Variants in CPE observed in about 807,000 individuals in gnomAD.
CPE encodes the protein carbocypeptidase E.
In CPE, 17 loss-of-function variants were observed where a neutral mutation model predicts 53.5. That is an observed-to-expected ratio of 0.32 (90% CI 0.22 to 0.48). CPE has a LOEUF of 0.48. Among genes scored for constraint, CPE ranks in the 20% least tolerant of loss-of-function variants. The probability of loss-of-function intolerance (pLI) is 0.99; values close to 1 mark genes in which losing one functional copy is unlikely to be tolerated. For missense variants in CPE, 524 were observed against 614.7 expected, an observed-to-expected ratio of 0.85 and a Z score of 1.56; for synonymous variants, 226 against 228.8, an observed-to-expected ratio of 0.99 and a Z score of 0.11.
chr4:165,492,479 C>T (rs889450677), intron 6 of CPE, among the ~76,000 whole-genome samples: 2 of 152,138 alleles, frequency 1.3e-5, no homozygotes, highest in African/African-American at 4.8e-5. Flanking sequence ...CCCTCAGACA[C>T]CGAGTTAAAG....
chr4:165,427,881 G>GA (rs1174874652), intron 1 of CPE, among the ~76,000 whole-genome samples: 1 of 151,846 alleles, frequency 6.6e-6, no homozygotes, highest in African/African-American at 2.4e-5. Flanking sequence ...ATTTCTTCTT[G>GA]AAAAAAATGT....
intron 5 of CPE, 125 bp downstream of exon 5, chr4:165,484,729 A>G (rs1404107773): frequency 8.9e-6 from 8 of 898,782 alleles, no homozygotes; most frequent in Non-Finnish European, 1.3e-5. Context: ...AGTAGACTGA[A>G]TCTATAGTTC....
At chr4:165,406,827 G>C (rs2126665256) in intron 1 of CPE, among the ~76,000 whole-genome samples, 1 of 152,286 alleles carries the variant, frequency 6.6e-6, no homozygotes, top group East Asian at 1.9e-4. Flanking sequence ...CTGTAGATTT[G>C]CTTATTCTAG....
At chr4:165,477,102 G>A (rs1411829272) in intron 3 of CPE, among the ~76,000 whole-genome samples, 1 of 152,192 alleles carries the variant, frequency 6.6e-6, no homozygotes, top group African/African-American at 2.4e-5. Context: ...GAAGAATGGT[G>A]AAATCAACTC....
At chr4:165,448,956 A>C (rs1731762452) in intron 1 of CPE, among the ~76,000 whole-genome samples, 1 of 152,174 alleles carries the variant, frequency 6.6e-6, no homozygotes, top group Admixed American at 6.5e-5. Context: ...GAAGATATTT[A>C]AACTCCTGAT....
intron 1 of CPE, chr4:165,404,352 A>G: frequency 1.3e-6 from 1 of 771,018 alleles, no homozygotes; most frequent in Non-Finnish European, 2.4e-6. Flanking sequence ...TCTTCATCTG[A>G]GGAGACTTCA....
intron 1 of CPE, among the ~76,000 whole-genome samples, chr4:165,403,900 G>A (rs769009516): frequency 6.6e-6 from 1 of 152,048 alleles, no homozygotes; most frequent in African/African-American, 2.4e-5. Flanking sequence ...TCACCAGGAG[G>A]GGGAGATGAT....
intron 1 of CPE, among the ~76,000 whole-genome samples, chr4:165,382,644 C>T (rs965938707): frequency 2.6e-5 from 4 of 152,124 alleles, no homozygotes; most frequent in African/African-American, 9.7e-5. Flanking sequence ...AACATACCCA[C>T]AAAAAGCCCT....
chr4:165,460,108 C>G (rs967651473), intron 1 of CPE, among the ~76,000 whole-genome samples: 3 of 151,990 alleles, frequency 2.0e-5, no homozygotes, highest in Admixed American at 2.0e-4. Flanking sequence ...TACCTGGCAG[C>G]TGCAACCTGT....
At chr4:165,429,474 G>A (rs921509955) in intron 1 of CPE, among the ~76,000 whole-genome samples, 2 of 152,136 alleles carry the variant, frequency 1.3e-5, no homozygotes, top group East Asian at 1.9e-4. Context: ...AGGCCAACAC[G>A]AGTAGATTGC....
chr4:165,488,769 G>C (rs1375043671), intron 6 of CPE, among the ~76,000 whole-genome samples: 3 of 151,878 alleles, frequency 2.0e-5, no homozygotes, highest in African/African-American at 7.3e-5. Flanking sequence ...GTTGAATCCA[G>C]TTTCTTTCTC....
chr4:165,472,899 C>A (rs956486180), intron 3 of CPE, among the ~76,000 whole-genome samples: 1 of 152,198 alleles, frequency 6.6e-6, no homozygotes, highest in African/African-American at 2.4e-5. Context: ...GCAACTTTTA[C>A]TTTTGGTGAA....
In CPE at chr4:165,497,291, T is replaced by G. The variant is rs527431726; in HGVS notation, c.1333-221T>G. ...TGAATTATATCTGTCTTCAAAGCTA[T>G]TAAATCAAAGGACATTTCAAACATA... On this transcript the variant is annotated intron_variant, in intron 8 of 8. Transcript: ENST00000402744. Among the ~76,000 whole-genome samples the G allele has an allele frequency of 1.2e-3, 180 of 152,348 alleles. 5 individuals are homozygous for G. In the South Asian group the frequency reaches 0.016, roughly 14 times the overall value.
Position 165,432,892 on chromosome 4 carries a change from C to T in CPE, c.308-31498C>T, listed in dbSNP as rs149634460. 5.3e-5 allele frequency among the ~76,000 whole-genome samples: 8 copies of T among 152,250 alleles called. No individual in the cohort carries two copies. The East Asian group carries it at 5.8e-4, about 11-fold the overall frequency. On this transcript the variant is annotated intron_variant, in intron 1 of 8. Transcript: ENST00000402744. ...CCCTCACCAAGCACTGTCAATTCCA[C>T]GTCTTCGTTGTTCTTGAATCTGTTC...
chr4:165,421,093 C>T (rs959309450), intron 1 of CPE, among the ~76,000 whole-genome samples: 2 of 152,116 alleles, frequency 1.3e-5, no homozygotes, highest in Non-Finnish European at 2.9e-5. Context: ...TTTGGGCCTG[C>T]ATTGTAGTGG....
chr4:165,473,917 GC>G (rs1350329042), intron 3 of CPE, among the ~76,000 whole-genome samples: 25 of 152,208 alleles, frequency 1.6e-4, no homozygotes, highest in African/African-American at 6.0e-4. Context: ...TCAGCTCAAG[GC>G]CATTAGGCAT....
chr4:165,414,835 G>T (rs1051301791), intron 1 of CPE, among the ~76,000 whole-genome samples: 1 of 151,722 alleles, frequency 6.6e-6, no homozygotes, highest in Admixed American at 6.6e-5. Flanking sequence ...TCACATGACC[G>T]CAGGGACAGC....
In CPE at chr4:165,404,120, G is replaced by T. The variant is rs1047436833; in HGVS notation, c.307+24592G>T. 7 of 826,642 alleles carry T rather than the reference G, an allele frequency of 8.5e-6. No homozygotes were observed. The African/African-American group carries it at 1.0e-4, about 12-fold the overall frequency. 51.2% of individuals were successfully genotyped at this position (826,642 alleles called of 1,614,324 possible). ...AGTGTGGTCAGCTAGCAGCTGGCTT[G>T]GGGTGAACTCTTTTCCATAGGCAGC... On this transcript the variant is annotated intron_variant, in intron 1 of 8. Coordinates refer to ENST00000402744, the MANE Select transcript of CPE (RefSeq NM_001873.4).
intron 1 of CPE, among the ~76,000 whole-genome samples, chr4:165,434,793 C>T (rs1230823587): frequency 6.6e-6 from 1 of 152,100 alleles, no homozygotes; most frequent in African/African-American, 2.4e-5. Flanking sequence ...TTTGACCCCT[C>T]CAAATCTCAT....
Sources: gnomAD v4.1 joint callset for allele counts (sites outside exome capture counted in the v4.1 genomes callset) on GRCh38, gnomAD v4.1.1 for gene constraint, MANE v1.5 for transcripts, NCBI Gene and HGNC (gene_info 2026-07-23, HGNC 2026-07-21) for gene names.